The following FCRL5 variants were observed in gnomAD, a reference collection of about 807,000 sequenced individuals.
FCRL5 encodes Fc receptor like 5.
In FCRL5, 79 loss-of-function variants were observed where a neutral mutation model predicts 92.1. That is an observed-to-expected ratio of 0.86 (90% CI 0.72 to 1.03). FCRL5 has a LOEUF of 1.03. Ranked by LOEUF, FCRL5 falls within the 50% of genes least tolerant of loss-of-function variation. FCRL5 has a pLI of 0.00. For missense variants in FCRL5, 1,160 were observed against 1,181.1 expected (o/e 0.98, Z 0.26); for synonymous variants, 466 against 469.3 (o/e 0.99, Z 0.09).
rs1230180153 is a variant in FCRL5 at position 157,521,285 on chromosome 1, C to T, written c.2247G>A (p.Val749=). ...EMVTLKVAVP[V]SRPVLTLRAP... ...CCCTGAGGGTGAGGACCGGGCGAGA[C>T]ACCGGAACTGAAAGAGAACAAAAAG... is the stretch of plus-strand genomic sequence containing the variant. The change falls in exon 11 of 17, where the codon GTG becomes GTA. Residue 749 remains valine (V), a synonymous_variant. Transcript: ENST00000361835. The T allele has an allele frequency of 8.7e-6, 14 of 1,602,368 alleles. No homozygotes were observed. The highest frequency in any genetic ancestry group is 3.3e-4 in the Middle Eastern group (2 of 6,000).
At chr1:157,518,375 GCTATACTGT>G in intron 15 of FCRL5, 45 bp downstream of exon 15, 1 of 1,475,352 alleles carries the variant, frequency 6.8e-7, no homozygotes, top group Middle Eastern at 1.7e-4. Flanking sequence ...TAGAAACTGA[GCTATACTGT>G]CTAAGTTGAG....
At chr1:157,542,111 C>A (rs947627392) in intron 6 of FCRL5, 4 of 152,270 alleles carry the variant, frequency 2.6e-5, no homozygotes, top group Non-Finnish European at 5.9e-5. Flanking sequence ...CAGGACCAAC[C>A]AAGACTGGAC....
At chr1:157,516,792 TG>T in intron 15 of FCRL5, among the ~76,000 whole-genome samples, 1 of 152,358 alleles carries the variant, frequency 6.6e-6, no homozygotes, top group East Asian at 1.9e-4. Flanking sequence ...AAGCAGAGTT[TG>T]GTCTAGAGTT....
At position 157,518,490 on chromosome 1, in the gene FCRL5, A is replaced by G. The variant is rs1650030524; in HGVS notation, c.2751T>C (p.Pro917=). 6.2e-7 allele frequency: 1 copy of G among 1,613,898 alleles called. No individual in the cohort carries two copies. Among genetic ancestry groups the G allele is most frequent in the Non-Finnish European group, 8.5e-7 (1 of 1,179,918 alleles). ...CTGAGTAAACCACATTTTCTCCTCTAGGATTTGCTTAGAAAAAAGTTGAAG... is the reference window on the plus strand; with the variant it reads ...CTGAGTAAACCACATTTTCTCCTCTGGGATTTGCTTAGAAAAAAGTTGAAG... ...ELQPVYTNAN[P]RGENVVYSEV... Residue 917 remains proline (P), a synonymous_variant, in exon 15 of 17, where the codon CCT becomes CCC. Transcript: ENST00000361835.
chr1:157,534,156 G>T (rs1650824879), intron 8 of FCRL5: 1 of 375,048 alleles, frequency 2.7e-6, no homozygotes, highest in African/African-American at 2.1e-5. Flanking sequence ...TTGAGGAGTT[G>T]GTTCCTAGGG....
rs752965192 is a variant in FCRL5 at position 157,515,583 on chromosome 1, C to T, written c.*92G>A. ...AAAGGCCAGTAGATATGGTCTGGGGCAGCCTAAATCTTCCCACTTCAATGC... is the reference window on the plus strand; with the variant it reads ...AAAGGCCAGTAGATATGGTCTGGGGTAGCCTAAATCTTCCCACTTCAATGC... On this transcript the variant is annotated 3_prime_UTR_variant, in exon 17 of 17. Transcript: ENST00000361835. 7.4e-6 allele frequency: 12 copies of T among 1,612,582 alleles called. No individual in the cohort carries two copies. The South Asian group carries it at 1.3e-4, about 18-fold the overall frequency.
intron 2 of FCRL5, among the ~76,000 whole-genome samples, chr1:157,548,053 C>T (rs1179102536): frequency 6.6e-6 from 1 of 152,208 alleles, no homozygotes; most frequent in Non-Finnish European, 1.5e-5. Context: ...TTCTGGCTCG[C>T]TGATTGAGAG....
chr1:157,539,073 A>T lies in FCRL5; in HGVS notation c.1402+13T>A. 6.2e-7 allele frequency: 1 copy of T among 1,610,220 alleles called. No individual in the cohort carries two copies. Among genetic ancestry groups the T allele is most frequent in the Non-Finnish European group, 8.5e-7 (1 of 1,178,482 alleles). On this transcript the variant is annotated intron_variant, in intron 7 of 16. Transcript: ENST00000361835. ...GGCCAGGGGTGGGTGATTGGCAGGA[A>T]CCCAGGGCTTACCAGTGACGGAGAG...
intron 2 of FCRL5, among the ~76,000 whole-genome samples, chr1:157,548,235 C>A: frequency 6.6e-6 from 1 of 152,344 alleles, no homozygotes; most frequent in South Asian, 2.1e-4. Context: ...GCTATCCTGG[C>A]CCTTGGACGA....
In FCRL5 at chr1:157,547,071, C is replaced by A. The variant is rs149742136; in HGVS notation, c.179G>T (p.Arg60Leu). 1.1e-5 allele frequency: 18 copies of A among 1,614,056 alleles called. No individual in the cohort carries two copies. The highest frequency in any genetic ancestry group is 1.4e-5 in the Non-Finnish European group (16 of 1,180,054). Reference sequence around the variant, plus strand: ...TCTTAGTATTTCTTTCCCAAGGTACCGATGGTACCATTTTGTTTTCTGTGG... The same window carrying A: ...TCTTAGTATTTCTTTCCCAAGGTACAGATGGTACCATTTTGTTTTCTGTGG... The part of the protein sequence containing the change: ...YSPQKTKWYH[R>L]YLGKEILRET... Residue 60 changes from arginine to leucine, a missense_variant, in exon 3 of 17, where the codon CGG becomes CTG. Coordinates refer to ENST00000361835, the MANE Select transcript of FCRL5 (RefSeq NM_031281.3).
intron 3 of FCRL5, chr1:157,546,170 G>A (rs148459162): frequency 7.1e-5 from 27 of 382,402 alleles, no homozygotes; most frequent in African/African-American, 2.3e-4. Flanking sequence ...CATAGAGGCC[G>A]GGTGCAGTGG....
intron 7 of FCRL5, among the ~76,000 whole-genome samples, chr1:157,537,367 T>C (rs113479594): frequency 6.6e-6 from 1 of 152,204 alleles, no homozygotes; most frequent in Non-Finnish European, 1.5e-5. Flanking sequence ...TGGTCTCCTG[T>C]AGTGCTCCCA....
Position 157,539,384 on chromosome 1 carries a change from A to T in FCRL5, c.1124-20T>A, listed in dbSNP as rs1358505089. 6.4e-7 allele frequency: 1 copy of T among 1,573,840 alleles called. No individual in the cohort carries two copies. On this transcript the variant is annotated intron_variant, in intron 6 of 16. Transcript: ENST00000361835. ...CGGGAACTGAGAGAGAGAAAAAATT[A>T]GTCAAGATTTGTTTCTGCCTCCTGC... is the stretch of plus-strand genomic sequence containing the variant.
chr1:157,536,471 G>A (rs1650974908), intron 7 of FCRL5, among the ~76,000 whole-genome samples: 1 of 152,148 alleles, frequency 6.6e-6, no homozygotes, highest in Non-Finnish European at 1.5e-5. Flanking sequence ...CCTCCTTCAC[G>A]CCTGGCTGCT....
chr1:157,552,182 G>C, intron 1 of FCRL5, 150 bp downstream of exon 1: 1 of 701,192 alleles, frequency 1.4e-6, no homozygotes, highest in Non-Finnish European at 2.4e-6. Context: ...AGAAAGCCCT[G>C]AGCTACAGAG....
rs755911318 is a variant in FCRL5 at position 157,546,933 on chromosome 1, G to A, written c.307+10C>T. On this transcript the variant is annotated intron_variant, in intron 3 of 16. Coordinates refer to ENST00000361835, the MANE Select transcript of FCRL5 (RefSeq NM_031281.3). ...TTTCTAAAGTTGGTGCGTCTTTCAC[G>A]CTCTCTCACCTGAAGAAAAATCCAA... is the stretch of plus-strand genomic sequence containing the variant. 8.7e-6 allele frequency: 14 copies of A among 1,606,648 alleles called. No homozygotes were observed. Among genetic ancestry groups the A allele is most frequent in the Admixed American group, 5.1e-5 (3 of 59,234 alleles).
intron 14 of FCRL5, 52 bp from the exon 15 acceptor site, chr1:157,518,549 A>G: frequency 6.5e-7 from 1 of 1,535,114 alleles, no homozygotes; most frequent in South Asian, 1.1e-5. Flanking sequence ...GCCTCTTGTT[A>G]GAGATACTTC....
In FCRL5 at chr1:157,518,427, A is replaced by G; in HGVS notation, c.2812+2T>C. 1 of 1,612,560 alleles carries G rather than the reference A, an allele frequency of 6.2e-7. No individual in the cohort carries two copies. Among genetic ancestry groups the G allele is most frequent in the Non-Finnish European group, 8.5e-7 (1 of 1,178,500 alleles). ...CAGAACAGAGACATCCTTGGGTCTT[A>G]CCTGCATGTTTCTTTTTCTCTTGGA... On this transcript the variant is annotated splice_donor_variant, in intron 15 of 16. Coordinates refer to ENST00000361835, the MANE Select transcript of FCRL5 (RefSeq NM_031281.3). LOFTEE classifies it high-confidence loss of function.
intron 6 of FCRL5, chr1:157,542,367 C>T (rs1274694264): frequency 6.5e-6 from 1 of 154,686 alleles, no homozygotes; most frequent in Non-Finnish European, 1.4e-5. Flanking sequence ...TGCCCATCAA[C>T]TCTAAAAAAG....
Sources: gnomAD v4.1 joint callset for allele counts (sites outside exome capture counted in the v4.1 genomes callset) on GRCh38, gnomAD v4.1.1 for gene constraint, MANE v1.5 for transcripts, NCBI Gene and HGNC (gene_info 2026-07-23, HGNC 2026-07-21) for gene names.